Variants in ATG14 observed in about 807,000 individuals in gnomAD.
ATG14 encodes autophagy related 14.
Under a neutral mutation model 60.4 loss-of-function variants are expected in ATG14, and 35 were observed. The observed-to-expected ratio is 0.58, with a 90% CI of 0.44 to 0.77. The LOEUF is 0.77. Ranked by LOEUF, ATG14 falls within the 30% of genes least tolerant of loss-of-function variation. The pLI, the probability that ATG14 is intolerant of heterozygous loss-of-function variation, is 0.00. For missense variants in ATG14, 647 were observed against 626.3 expected (o/e 1.03, Z -0.35); for synonymous variants, 234 against 228.8 (o/e 1.02, Z -0.21).
intron 1 of ATG14, among the ~76,000 whole-genome samples, chr14:55,401,788 G>C (rs1885403848): frequency 6.6e-6 from 1 of 152,126 alleles, no homozygotes; most frequent in Admixed American, 6.6e-5. Flanking sequence ...ACCCAGCTCG[G>C]GCTTCAGAGG....
intron 9 of ATG14, 43 bp from the exon 10 acceptor site, chr14:55,369,968 C>T (rs1487043973): frequency 1.3e-6 from 2 of 1,525,204 alleles, no homozygotes; most frequent in Non-Finnish European, 1.8e-6. Flanking sequence ...AACAACCATT[C>T]TCAACACCAG....
At chr14:55,386,706 G>A (rs544116401) in intron 4 of ATG14, among the ~76,000 whole-genome samples, 1 of 152,268 alleles carries the variant, frequency 6.6e-6, no homozygotes, top group South Asian at 2.1e-4. Flanking sequence ...CAAAAGCCTG[G>A]CCACACAACC....
At chr14:55,404,248 C>G (rs1453113799) in intron 1 of ATG14, among the ~76,000 whole-genome samples, 4 of 152,218 alleles carry the variant, frequency 2.6e-5, no homozygotes, top group Non-Finnish European at 5.9e-5. Context: ...TCACTTGGCT[C>G]TGGCTGAAAG....
At chr14:55,372,303 G>A (rs1884837440) in intron 9 of ATG14, among the ~76,000 whole-genome samples, 1 of 136,984 alleles carries the variant, frequency 7.3e-6, no homozygotes. Flanking sequence ...TTTCCCATCT[G>A]CCTCCTCTTG....
In ATG14 at chr14:55,378,028, C is replaced by T. The variant is rs777918642; in HGVS notation, c.1042G>A (p.Val348Met). Residue 348 changes from valine to methionine, a missense_variant, in exon 8 of 10, where the codon GTG becomes ATG. By Grantham distance (21) the Val-to-Met change is conservative. Transcript: ENST00000247178. ...AGAATATTTGCATTCAGTTTCTTCA[C>T]TGCTCGAGTAAATTTCTGCTTGCTT... The part of the protein sequence containing the change: ...NLSKQKFTRA[V>M]KKLNANILYL... 10 of 1,613,198 alleles carry T rather than the reference C, an allele frequency of 6.2e-6. 1 individual carries two copies. The highest frequency in any genetic ancestry group is 1.7e-4 in the Middle Eastern group (1 of 6,056).
rs771777297 is a variant in ATG14 at position 55,369,678 on chromosome 14, T to G, written c.1420A>C (p.Ile474Leu). The G allele has an allele frequency of 6.3e-7, 1 of 1,582,216 alleles. No homozygotes were observed. The highest frequency in any genetic ancestry group is 8.6e-7 in the Non-Finnish European group (1 of 1,160,812). ...GTCACCGAGGCTGCTGCAGAGGAGA[T>G]CATCCCACCTGCACTGCTGCTCGCG... ...PIASSSAGGM[I>L]SSAAASVTSW... The change falls in exon 10 of 10, where the codon ATC (isoleucine) becomes CTC (leucine). Residue 474 changes from isoleucine to leucine, a missense_variant. Ile to Leu is a conservative substitution (Grantham distance 5). Coordinates refer to ENST00000247178, the MANE Select transcript of ATG14 (RefSeq NM_014924.5).
At chr14:55,397,586 C>G in intron 1 of ATG14, 152 bp from the exon 2 acceptor site, 2 of 646,582 alleles carry the variant, frequency 3.1e-6, no homozygotes, top group East Asian at 2.7e-5. Context: ...GGGGTGCACA[C>G]AACTGCTAAC....
At chr14:55,397,319 C>T (rs370047981) in intron 2 of ATG14, 53 bp downstream of exon 2, 75 of 1,478,262 alleles carry the variant, frequency 5.1e-5, no homozygotes, top group Non-Finnish European at 3.7e-5. Flanking sequence ...TGAATTCAAC[C>T]AAATGTTGAC....
In ATG14 at chr14:55,382,045, C is replaced by G. The variant is rs779771366; in HGVS notation, c.794G>C (p.Gly265Ala). The part of the protein sequence containing the change: ...HNGDTSISIT[G>A]PWISLPNNGD... The stretch of plus-strand genomic sequence containing the variant: ...ATTGTTAGGGAGGCTAATCCAAGGC[C>G]CTGTAATGCTAATGCTGGTGTCTCC... The change falls in exon 6 of 10, where the codon GGG (glycine) becomes GCG (alanine). Residue 265 changes from glycine (G) to alanine (A), a missense_variant. Transcript: ENST00000247178. 6.2e-7 allele frequency: 1 copy of G among 1,614,100 alleles called. No homozygotes were observed. Among genetic ancestry groups the G allele is most frequent in the Non-Finnish European group, 8.5e-7 (1 of 1,180,018 alleles).
At chr14:55,381,067 C>G (rs1016527927) in intron 6 of ATG14, among the ~76,000 whole-genome samples, 2 of 151,948 alleles carry the variant, frequency 1.3e-5, no homozygotes, top group Non-Finnish European at 2.9e-5. Context: ...ATCCCTTCCT[C>G]TGTACCCCAT....
At chr14:55,397,885 G>A (rs1885337323) in intron 1 of ATG14, among the ~76,000 whole-genome samples, 1 of 150,960 alleles carries the variant, frequency 6.6e-6, no homozygotes, top group Non-Finnish European at 1.5e-5. Context: ...AGTTATCATA[G>A]GCTAAAAAAT....
intron 9 of ATG14, 103 bp downstream of exon 9, chr14:55,377,716 G>T: frequency 2.7e-6 from 2 of 741,810 alleles, no homozygotes; most frequent in Non-Finnish European, 4.3e-6. Context: ...TGTCCGGTTT[G>T]AGGAGTTTGG....
At chr14:55,378,959 C>T (rs186309187) in intron 7 of ATG14, among the ~76,000 whole-genome samples, 28 of 152,182 alleles carry the variant, frequency 1.8e-4, no homozygotes, top group African/African-American at 6.3e-4. Flanking sequence ...CCTCCTGCCT[C>T]AGCTTCCCAA....
At chr14:55,372,907 T>C (rs1234470857) in intron 9 of ATG14, among the ~76,000 whole-genome samples, 1 of 152,118 alleles carries the variant, frequency 6.6e-6, no homozygotes, top group African/African-American at 2.4e-5. Context: ...CTCAGCTAAG[T>C]ACAATGAAAA....
At chr14:55,394,873 G>A (rs1885286680) in intron 3 of ATG14, 3 of 343,160 alleles carry the variant, frequency 8.7e-6, no homozygotes, top group Non-Finnish European at 1.7e-5. Context: ...GACAGTAAAA[G>A]CCTCCCACTA....
chr14:55,394,256 C>T (rs1885275314), intron 3 of ATG14, among the ~76,000 whole-genome samples: 2 of 152,162 alleles, frequency 1.3e-5, no homozygotes, highest in South Asian at 2.1e-4. Flanking sequence ...CCACTTGCCT[C>T]AGCCTCCCAA....
At chr14:55,396,136 G>A (rs997613769) in intron 2 of ATG14, among the ~76,000 whole-genome samples, 154 bp from the exon 3 acceptor site, 1 of 152,154 alleles carries the variant, frequency 6.6e-6, no homozygotes, top group Admixed American at 6.5e-5. Flanking sequence ...CAAATTCCCT[G>A]TTCTCTGCAA....
At chr14:55,379,775 G>A (rs988214259) in intron 7 of ATG14, among the ~76,000 whole-genome samples, 1 of 152,194 alleles carries the variant, frequency 6.6e-6, no homozygotes, top group Non-Finnish European at 1.5e-5. Context: ...AGGCTGGAGT[G>A]CAGTGGTGTG....
At chr14:55,385,573 G>A (rs571689039) in intron 5 of ATG14, among the ~76,000 whole-genome samples, 10 of 152,324 alleles carry the variant, frequency 6.6e-5, no homozygotes, top group Middle Eastern at 3.4e-3. Flanking sequence ...GATTATAGGC[G>A]TGAGCCACCA....
Sources: allele counts gnomAD v4.1 joint callset (sites outside exome capture counted in the v4.1 genomes callset), GRCh38; gene constraint gnomAD v4.1.1; transcripts MANE v1.5; gene names NCBI Gene and HGNC (gene_info 2026-07-23, HGNC 2026-07-21).